Variants in CNBD1 observed in about 807,000 individuals in gnomAD.
CNBD1 encodes cyclic nucleotide-binding domain-containing protein 1.
Under a neutral mutation model 54.4 loss-of-function variants are expected in CNBD1, and 71 were observed. The ratio of observed to expected loss-of-function variants is 1.30; its 90% CI spans 1.08 to 1.59. The LOEUF is 1.59. Ranked by LOEUF, CNBD1 falls within the 40% of genes most tolerant of loss-of-function variation. The probability of loss-of-function intolerance (pLI) is 0.00; values close to 1 mark genes in which losing one functional copy is unlikely to be tolerated. For synonymous variants in CNBD1, 182 were observed against 170.7 expected (o/e 1.07, Z -0.51); for missense variants, 659 against 518.0 (o/e 1.27, Z -2.64).
chr8:87,328,051 G>T (rs973573280), intron 8 of CNBD1, among the ~76,000 whole-genome samples: 31 of 151,834 alleles, frequency 2.0e-4, no homozygotes, highest in African/African-American at 7.0e-4. Flanking sequence ...TATATACCAT[G>T]GTGGTTTGCT....
chr8:87,382,926 A>G (rs1178245384), downstream of CNBD1: 1 of 249,804 alleles, frequency 4.0e-6, no homozygotes, highest in Non-Finnish European at 7.7e-6. Flanking sequence ...GTAAAAAATT[A>G]AAAGTTATAT....
At chr8:86,961,956 C>T (rs1248567738) in intron 4 of CNBD1, among the ~76,000 whole-genome samples, 1 of 146,930 alleles carries the variant, frequency 6.8e-6, no homozygotes, top group African/African-American at 2.7e-5. Context: ...GCATTGCTAA[C>T]CCTAGGGGTG....
intron 8 of CNBD1, among the ~76,000 whole-genome samples, chr8:87,301,740 C>T (rs1809000131): frequency 1.3e-5 from 2 of 151,932 alleles, no homozygotes; most frequent in Admixed American, 1.3e-4. Context: ...TGATAGACCA[C>T]TAGCAAGACT....
chr8:87,148,814 A>G (rs987571311), intron 4 of CNBD1, among the ~76,000 whole-genome samples: 1 of 152,202 alleles, frequency 6.6e-6, no homozygotes, highest in Admixed American at 6.5e-5. Flanking sequence ...TATTTTCAGA[A>G]GTCTCTGTAA....
chr8:87,126,151 AT>A (rs1811986036), intron 4 of CNBD1, among the ~76,000 whole-genome samples: 1 of 151,976 alleles, frequency 6.6e-6, no homozygotes, highest in Non-Finnish European at 1.5e-5. Context: ...GAACAAGTCT[AT>A]TTAAAGACAT....
At chr8:87,042,739 A>T (rs1810098439) in intron 4 of CNBD1, among the ~76,000 whole-genome samples, 1 of 152,150 alleles carries the variant, frequency 6.6e-6, no homozygotes, top group Non-Finnish European at 1.5e-5. Flanking sequence ...ACTAACAATT[A>T]TGTGTTATAA....
intron 10 of CNBD1, among the ~76,000 whole-genome samples, chr8:87,358,304 G>A (rs555413003): frequency 6.6e-6 from 1 of 152,236 alleles, no homozygotes; most frequent in African/African-American, 2.4e-5. Flanking sequence ...TTTAAAAGTT[G>A]TAAATCTGAA....
chr8:87,154,825 C>T lies in CNBD1; in HGVS notation c.432-51168C>T, dbSNP rs73690105. Among the ~76,000 whole-genome samples the T allele has an allele frequency of 3.3e-3, 501 of 152,180 alleles. 1 individual carries two copies. The highest frequency in any genetic ancestry group is 0.011 in the African/African-American group (477 of 41,516). On this transcript the variant is annotated intron_variant, in intron 4 of 10. Coordinates refer to ENST00000518476, the MANE Select transcript of CNBD1 (RefSeq NM_173538.3). Reference sequence around the variant, plus strand: ...GAAGACCTTGGTCTGCCAGGCAGATCGTTAGTGTAGAACGCACCCATTTCC... The same window carrying T: ...GAAGACCTTGGTCTGCCAGGCAGATTGTTAGTGTAGAACGCACCCATTTCC...
intron 10 of CNBD1, among the ~76,000 whole-genome samples, chr8:87,365,093 A>T (rs1370992394): frequency 6.6e-6 from 1 of 151,984 alleles, no homozygotes; most frequent in Non-Finnish European, 1.5e-5. Flanking sequence ...GGTTGAACCT[A>T]ATTTACACTC....
At chr8:87,380,606 G>T (rs1183162012) in intron 10 of CNBD1, among the ~76,000 whole-genome samples, 1 of 151,886 alleles carries the variant, frequency 6.6e-6, no homozygotes, top group Non-Finnish European at 1.5e-5. Context: ...GGTCTCATTG[G>T]GTAATAGGGA....
chr8:87,261,619 T>C (rs1409368730), intron 6 of CNBD1, among the ~76,000 whole-genome samples: 2 of 152,044 alleles, frequency 1.3e-5, no homozygotes, highest in African/African-American at 4.8e-5. Flanking sequence ...GCATTTGCCT[T>C]ATTTGAACAG....
rs545135421 is a variant in CNBD1, at chr8:86,967,709, C to T, written c.431+27955C>T. ...ATGTTGCCTACTCTTTTTAATAAGG[C>T]CATTAGCATAGTAATCATAGTTTAA... is the stretch of plus-strand genomic sequence containing the variant. On this transcript the variant is annotated intron_variant, in intron 4 of 10. Transcript: ENST00000518476. 2.8e-4 allele frequency among the ~76,000 whole-genome samples: 42 copies of T among 152,156 alleles called. 1 individual carries two copies. Among genetic ancestry groups the T allele is most frequent in the African/African-American group, 9.9e-4 (41 of 41,486 alleles).
intron 2 of CNBD1, among the ~76,000 whole-genome samples, chr8:87,390,220 A>T (rs187473837): frequency 1.2e-3 from 176 of 152,294 alleles, no homozygotes; most frequent in Middle Eastern, 3.4e-3. Context: ...ACCAAAAGTA[A>T]TGGCAACAAA....
At chr8:87,266,127 T>C (rs1808251787) in intron 6 of CNBD1, among the ~76,000 whole-genome samples, 1 of 151,880 alleles carries the variant, frequency 6.6e-6, no homozygotes, top group Admixed American at 6.6e-5. Flanking sequence ...ACAGAAACAT[T>C]CAATATCTTA....
chr8:87,381,409 A>G (rs1230069304), intron 10 of CNBD1, among the ~76,000 whole-genome samples: 2 of 151,988 alleles, frequency 1.3e-5, no homozygotes, highest in African/African-American at 2.4e-5. Flanking sequence ...GAGAAATTGG[A>G]CTTTTTGCAC....
At chr8:87,083,152 T>C (rs1455624800) in intron 4 of CNBD1, among the ~76,000 whole-genome samples, 2 of 152,214 alleles carry the variant, frequency 1.3e-5, no homozygotes, top group Non-Finnish European at 2.9e-5. Flanking sequence ...GGCATAACAC[T>C]ATGTGACAAA....
intron 1 of CNBD1, among the ~76,000 whole-genome samples, chr8:86,871,747 A>G (rs989929638): frequency 6.6e-6 from 1 of 152,204 alleles, no homozygotes; most frequent in African/African-American, 2.4e-5. Flanking sequence ...GGACACTGTT[A>G]GGGGTTCCCC....
At chr8:87,422,618 G>C (rs913963606) in intron 2 of CNBD1, among the ~76,000 whole-genome samples, 1 of 152,094 alleles carries the variant, frequency 6.6e-6, no homozygotes, top group African/African-American at 2.4e-5. Context: ...GCTCTGTTTT[G>C]TTCCATTGAT....
chr8:87,117,414 AAG>A (rs1491548864), intron 4 of CNBD1, among the ~76,000 whole-genome samples: 1 of 151,676 alleles, frequency 6.6e-6, no homozygotes, highest in Non-Finnish European at 1.5e-5. Flanking sequence ...AAAAAAAAAA[AAG>A]AACTGAGAAC....
Sources: gnomAD v4.1 joint callset for allele counts (sites outside exome capture counted in the v4.1 genomes callset) on GRCh38, gnomAD v4.1.1 for gene constraint, MANE v1.5 for transcripts, NCBI Gene and HGNC (gene_info 2026-07-23, HGNC 2026-07-21) for gene names.